Variants in FNDC3A observed in about 807,000 individuals in gnomAD.
FNDC3A encodes fibronectin type-III domain-containing protein 3A.
Under a neutral mutation model 148.9 loss-of-function variants are expected in FNDC3A, and 32 were observed. The observed-to-expected ratio is 0.21, with a 90% CI of 0.16 to 0.29. The LOEUF is 0.29. FNDC3A is among the 10% of genes least tolerant of loss of function. The pLI, the probability that FNDC3A is intolerant of heterozygous loss-of-function variation, is 1.00. For missense variants in FNDC3A, 1,191 were observed against 1,452.8 expected, an observed-to-expected ratio of 0.82 and a Z score of 2.93; for synonymous variants, 472 against 473.6, an observed-to-expected ratio of 1.00 and a Z score of 0.04.
At chr13:49,011,977 T>C (rs1008594900) in intron 2 of FNDC3A, among the ~76,000 whole-genome samples, 1 of 152,230 alleles carries the variant, frequency 6.6e-6, no homozygotes, top group Non-Finnish European at 1.5e-5. Flanking sequence ...TTTCCATGTA[T>C]GTATAACTTA....
chr13:49,050,765 G>A (rs1875777552), intron 2 of FNDC3A, among the ~76,000 whole-genome samples: 1 of 152,086 alleles, frequency 6.6e-6, no homozygotes, highest in Non-Finnish European at 1.5e-5. Flanking sequence ...CTATTACTGT[G>A]TTGCCGTCTA....
chr13:49,123,018 A>G (rs1274846267), intron 4 of FNDC3A, among the ~76,000 whole-genome samples: 1 of 152,220 alleles, frequency 6.6e-6, no homozygotes, highest in Non-Finnish European at 1.5e-5. Context: ...ATATGGAACC[A>G]AAAAAGAGCC....
rs1021005578 is a variant in FNDC3A, at chr13:49,197,719, T to G, written c.2341-6T>G. The G allele has an allele frequency of 3.8e-6, 6 of 1,597,778 alleles. No homozygotes were observed. In the African/African-American group the frequency reaches 5.4e-5, roughly 14 times the overall value. ...CTAAGACCTTTATCCTTTTCTTAAT[T>G]TAAAGGTTCCTTTGAGTAATGGAAC... On this transcript the variant is annotated splice_polypyrimidine_tract_variant and splice_region_variant and intron_variant, in intron 20 of 25. Transcript: ENST00000492622.
At chr13:49,147,656 A>G (rs539349039) in intron 8 of FNDC3A, among the ~76,000 whole-genome samples, 3 of 152,176 alleles carry the variant, frequency 2.0e-5, no homozygotes, top group Admixed American at 1.3e-4. Context: ...AGGTTGATCT[A>G]TATTTTTGCT....
intron 2 of FNDC3A, chr13:49,044,121 G>C (rs1052524380): frequency 1.2e-4 from 23 of 195,830 alleles, no homozygotes; most frequent in Non-Finnish European, 1.3e-4. Flanking sequence ...GTCTTCTTCC[G>C]TGTCTCCTTG....
intron 8 of FNDC3A, among the ~76,000 whole-genome samples, chr13:49,166,998 AG>A (rs1884500639): frequency 6.6e-6 from 1 of 151,880 alleles, no homozygotes. Flanking sequence ...TCCAAAAAAA[AG>A]AGTCTGGCTT....
At chr13:49,070,881 C>CTTTTTTTTTTTTTTTTTTTTTTTTTTTT (rs758290861) in intron 2 of FNDC3A, among the ~76,000 whole-genome samples, 4 of 120,970 alleles carry the variant, frequency 3.3e-5, no homozygotes, top group Non-Finnish European at 5.1e-5. Context: ...AACAGGATTT[C>CTTTTTTTTTTTTTTTTTTTTTTTTTTTT]TTTTTTTTTT....
intron 2 of FNDC3A, among the ~76,000 whole-genome samples, chr13:49,045,238 C>T (rs929564514): frequency 3.3e-5 from 5 of 152,042 alleles, no homozygotes; most frequent in African/African-American, 1.2e-4. Context: ...ACTGCAACCT[C>T]TGTCTCCCAG....
At chr13:49,024,691 TA>T (rs906783748) in intron 2 of FNDC3A, among the ~76,000 whole-genome samples, 14 of 150,930 alleles carry the variant, frequency 9.3e-5, no homozygotes, top group South Asian at 2.1e-4. Flanking sequence ...TTCATGATTT[TA>T]AAAAAAAACC....
At chr13:49,111,573 A>C (rs1178927878) in intron 3 of FNDC3A, among the ~76,000 whole-genome samples, 1 of 152,060 alleles carries the variant, frequency 6.6e-6, no homozygotes, top group East Asian at 1.9e-4. Flanking sequence ...TAAAAATACA[A>C]AAATTAGCCG....
At chr13:49,202,873 G>A (rs780056096) in intron 24 of FNDC3A, among the ~76,000 whole-genome samples, 2 of 152,166 alleles carry the variant, frequency 1.3e-5, no homozygotes, top group African/African-American at 2.4e-5. Flanking sequence ...GGGCATGGCA[G>A]CATATGCCTG....
chr13:49,062,778 C>T (rs1222444599), intron 2 of FNDC3A, among the ~76,000 whole-genome samples: 1 of 152,174 alleles, frequency 6.6e-6, no homozygotes, highest in East Asian at 1.9e-4. Flanking sequence ...TGTCTGTTTT[C>T]TTCCTAGACT....
chr13:49,146,157 T>A (rs569044597), intron 8 of FNDC3A: 1 of 411,702 alleles, frequency 2.4e-6, no homozygotes, highest in Non-Finnish European at 4.3e-6. Flanking sequence ...CACATTCAGC[T>A]TTTTTTTTCC....
At chr13:49,025,268 T>C (rs569108524) in intron 2 of FNDC3A, among the ~76,000 whole-genome samples, 122 of 152,188 alleles carry the variant, frequency 8.0e-4, no homozygotes, top group South Asian at 7.5e-3. Flanking sequence ...TATGGCAGTT[T>C]GAACAAAAGT....
At chr13:48,977,367 T>C (rs1951623048) in intron 1 of FNDC3A, among the ~76,000 whole-genome samples, 1 of 152,258 alleles carries the variant, frequency 6.6e-6, no homozygotes, top group Non-Finnish European at 1.5e-5. Context: ...ATCACCATGC[T>C]GTTACCAGCT....
At chr13:49,181,787 T>C (rs146077815) in intron 14 of FNDC3A, among the ~76,000 whole-genome samples, 161 of 152,064 alleles carry the variant, frequency 1.1e-3, no homozygotes, top group African/African-American at 3.8e-3. Context: ...AATGACTAAG[T>C]AGCATATTAT....
chr13:49,091,198 A>G (rs1343217102), intron 3 of FNDC3A, among the ~76,000 whole-genome samples: 1 of 152,174 alleles, frequency 6.6e-6, no homozygotes, highest in Non-Finnish European at 1.5e-5. Flanking sequence ...ACATGATTAG[A>G]TTTAAATGTC....
At chr13:49,026,119 G>T (rs754459726) in intron 2 of FNDC3A, among the ~76,000 whole-genome samples, 64 of 152,148 alleles carry the variant, frequency 4.2e-4, no homozygotes, top group Non-Finnish European at 2.8e-4. Flanking sequence ...CTATACTATG[G>T]ATAAATCTCA....
At chr13:49,097,809 A>G (rs1699185018) in intron 3 of FNDC3A, among the ~76,000 whole-genome samples, 1 of 152,082 alleles carries the variant, frequency 6.6e-6, no homozygotes, top group Non-Finnish European at 1.5e-5. Context: ...AAAAATTGAT[A>G]TTTTGATGCC....
Sources: allele counts gnomAD v4.1 joint callset (sites outside exome capture counted in the v4.1 genomes callset), GRCh38; gene constraint gnomAD v4.1.1; transcripts MANE v1.5; gene names NCBI Gene and HGNC (gene_info 2026-07-23, HGNC 2026-07-21).